The following ARHGEF28 variants were observed in gnomAD, a reference collection of about 807,000 sequenced individuals.
ARHGEF28 encodes the protein 190 kDa guanine nucleotide exchange factor.
ARHGEF28 carries 152 observed loss-of-function variants against 206.6 expected under a neutral mutation model. That is an observed-to-expected ratio of 0.74 (90% CI 0.64 to 0.84). The LOEUF (loss-of-function observed/expected upper bound fraction) is 0.84. ARHGEF28 is among the 40% of genes least tolerant of loss of function. The pLI is 0.00. For missense variants in ARHGEF28, 2,028 were observed against 2,073.2 expected (o/e 0.98, Z 0.42); for synonymous variants, 763 against 776.4 (o/e 0.98, Z 0.29).
At chr5:73,828,889 C>T (rs1579951206) in intron 9 of ARHGEF28, among the ~76,000 whole-genome samples, 1 of 152,000 alleles carries the variant, frequency 6.6e-6, no homozygotes, top group Admixed American at 6.5e-5. Flanking sequence ...GGCGCTATCA[C>T]AGCTCACTGC....
At chr5:73,925,271 C>G (rs942898012) in intron 35 of ARHGEF28, among the ~76,000 whole-genome samples, 2 of 152,192 alleles carry the variant, frequency 1.3e-5, no homozygotes, top group African/African-American at 4.8e-5. Flanking sequence ...TCTCTCCTTT[C>G]TCATCCTGTG....
chr5:73,911,272 C>T lies in ARHGEF28; in HGVS notation c.4648-3C>T, dbSNP rs1391410497. 1.3e-6 allele frequency: 2 copies of T among 1,575,110 alleles called. No individual in the cohort carries two copies. Among genetic ancestry groups the T allele is most frequent in the East Asian group, 2.3e-5 (1 of 43,916 alleles). Reference sequence around the variant, plus strand: ...TGTACTTTTCCTCTGTTTCTTTACACAGGTAATGGAACTTAATCGATCTGA... The same window carrying T: ...TGTACTTTTCCTCTGTTTCTTTACATAGGTAATGGAACTTAATCGATCTGA... On this transcript the variant is annotated splice_polypyrimidine_tract_variant and splice_region_variant and intron_variant, in intron 34 of 35. Transcript: ENST00000513042.
At chr5:73,853,595 A>G (rs1186258474) in intron 14 of ARHGEF28, among the ~76,000 whole-genome samples, 1 of 152,136 alleles carries the variant, frequency 6.6e-6, no homozygotes, top group Non-Finnish European at 1.5e-5. Flanking sequence ...ACAAAAGAGG[A>G]AGATTAAGAA....
chr5:73,879,733 A>G (rs1760779245), intron 22 of ARHGEF28, among the ~76,000 whole-genome samples: 1 of 152,132 alleles, frequency 6.6e-6, no homozygotes. Context: ...GTGTCTGCAG[A>G]AATGTGGATT....
intron 10 of ARHGEF28, among the ~76,000 whole-genome samples, chr5:73,836,681 T>A (rs1465595633): frequency 6.6e-6 from 1 of 152,180 alleles, no homozygotes; most frequent in Non-Finnish European, 1.5e-5. Flanking sequence ...CACACTTATT[T>A]ATTTTGCTTT....
At chr5:73,855,815 A>G (rs191723678) in intron 14 of ARHGEF28, among the ~76,000 whole-genome samples, 1 of 152,306 alleles carries the variant, frequency 6.6e-6, no homozygotes, top group East Asian at 1.9e-4. Context: ...TTTTTAATCA[A>G]TGTGGAAACT....
chr5:73,741,574 C>A (rs1460143752), intron 2 of ARHGEF28, among the ~76,000 whole-genome samples: 1 of 151,114 alleles, frequency 6.6e-6, no homozygotes, highest in Non-Finnish European at 1.5e-5. Flanking sequence ...TGTGCGCCAC[C>A]AAGCCCAGCT....
At chr5:73,717,014 T>G (rs1400910862) in intron 2 of ARHGEF28, among the ~76,000 whole-genome samples, 1 of 152,128 alleles carries the variant, frequency 6.6e-6, no homozygotes, top group Non-Finnish European at 1.5e-5. Context: ...AAATGTATTC[T>G]TTATTTGAAT....
intron 18 of ARHGEF28, among the ~76,000 whole-genome samples, chr5:73,866,916 C>T (rs1010357431): frequency 3.3e-5 from 5 of 152,234 alleles, no homozygotes; most frequent in Admixed American, 6.5e-5. Context: ...CCACTTTAAT[C>T]GGGACAATTA....
At chr5:73,798,779 A>G (rs946669832) in intron 9 of ARHGEF28, among the ~76,000 whole-genome samples, 2 of 152,176 alleles carry the variant, frequency 1.3e-5, no homozygotes, top group African/African-American at 4.8e-5. Flanking sequence ...AGTAAATGGC[A>G]CTAAACGTGA....
chr5:73,706,366 C>T (rs1046069406), intron 2 of ARHGEF28, among the ~76,000 whole-genome samples: 5 of 151,864 alleles, frequency 3.3e-5, no homozygotes, highest in African/African-American at 1.2e-4. Flanking sequence ...ACAAAAACAA[C>T]AACAAAAACC....
At chr5:73,843,308 G>A (rs1433650935) in intron 11 of ARHGEF28, among the ~76,000 whole-genome samples, 1 of 152,194 alleles carries the variant, frequency 6.6e-6, no homozygotes, top group African/African-American at 2.4e-5. Flanking sequence ...AAGGGAGGAA[G>A]CCAGGAGAGG....
intron 10 of ARHGEF28, among the ~76,000 whole-genome samples, chr5:73,839,270 C>T (rs1369540239): frequency 6.6e-6 from 1 of 152,148 alleles, no homozygotes; most frequent in Non-Finnish European, 1.5e-5. Flanking sequence ...AGTACCATGT[C>T]AGGAGATATT....
At chr5:73,896,874 G>A (rs949186326) in intron 29 of ARHGEF28, among the ~76,000 whole-genome samples, 5 of 152,314 alleles carry the variant, frequency 3.3e-5, no homozygotes, top group East Asian at 1.9e-4. Flanking sequence ...GGGCAGCGGC[G>A]GACCCAGCTG....
intron 1 of ARHGEF28, among the ~76,000 whole-genome samples, chr5:73,673,294 G>A (rs1045658011): frequency 1.3e-5 from 2 of 152,168 alleles, no homozygotes; most frequent in Admixed American, 6.5e-5. Context: ...TCCTAGGTTA[G>A]TATAAGGAAC....
intron 29 of ARHGEF28, among the ~76,000 whole-genome samples, chr5:73,896,635 G>A (rs964357286): frequency 1.3e-5 from 2 of 152,212 alleles, no homozygotes; most frequent in East Asian, 1.9e-4. Context: ...AGAGAGAAGA[G>A]GCCGAGGCAA....
At chr5:73,910,042 G>A (rs1762799115) in intron 34 of ARHGEF28, 145 bp downstream of exon 34, 1 of 1,280,484 alleles carries the variant, frequency 7.8e-7, no homozygotes, top group Non-Finnish European at 1.0e-6. Context: ...GGTAGCCAAA[G>A]CTGGAAGCTT....
chr5:73,807,818 A>G (rs1343291768), intron 9 of ARHGEF28, among the ~76,000 whole-genome samples: 1 of 151,846 alleles, frequency 6.6e-6, no homozygotes, highest in Non-Finnish European at 1.5e-5. Flanking sequence ...GTGTTGCTTC[A>G]GTCAGGAAAT....
intron 1 of ARHGEF28, among the ~76,000 whole-genome samples, chr5:73,647,537 T>C (rs1184048165): frequency 6.6e-6 from 1 of 152,226 alleles, no homozygotes; most frequent in Non-Finnish European, 1.5e-5. Flanking sequence ...AATTTTCAAG[T>C]AGTCATATTA....
Sources: gnomAD v4.1 joint callset for allele counts (sites outside exome capture counted in the v4.1 genomes callset) on GRCh38, gnomAD v4.1.1 for gene constraint, MANE v1.5 for transcripts, NCBI Gene and HGNC (gene_info 2026-07-23, HGNC 2026-07-21) for gene names.